JAML: variants seen among roughly 807,000 people sequenced by gnomAD.
JAML encodes the protein junctional adhesion molecule-like.
In JAML, 25 loss-of-function variants were observed where a neutral mutation model predicts 39.3. The observed-to-expected ratio is 0.64, with a 90% CI of 0.46 to 0.89. The LOEUF (loss-of-function observed/expected upper bound fraction) is 0.89. Ranked by LOEUF, JAML falls within the 40% of genes least tolerant of loss-of-function variation. The pLI, the probability that JAML is intolerant of heterozygous loss-of-function variation, is 0.00. For missense variants in JAML, 440 were observed against 486.9 expected (o/e 0.90, Z 0.91); for synonymous variants, 162 against 179.2 (o/e 0.90, Z 0.77).
chr11:118,199,757 C>T (rs1270944772), intron 7 of JAML, among the ~76,000 whole-genome samples: 1 of 143,510 alleles, frequency 7.0e-6, no homozygotes, highest in Non-Finnish European at 1.5e-5. Context: ...AGTGCAGTGG[C>T]GTGATCTCGG....
At chr11:118,217,073 C>A (rs1176413043) in intron 1 of JAML, among the ~76,000 whole-genome samples, 1 of 152,156 alleles carries the variant, frequency 6.6e-6, no homozygotes, top group East Asian at 1.9e-4. Context: ...GCTCACCAAC[C>A]GCATGGAGGA....
intron 5 of JAML, 196 bp from the exon 6 acceptor site, chr11:118,203,861 A>G (rs576568058): frequency 5.3e-6 from 3 of 566,084 alleles, no homozygotes; most frequent in African/African-American, 1.9e-5. Flanking sequence ...GAAGGACATC[A>G]CAAAACCATG....
chr11:118,218,703 A>G (rs572082610), intron 1 of JAML, among the ~76,000 whole-genome samples: 4 of 152,372 alleles, frequency 2.6e-5, no homozygotes, highest in African/African-American at 4.8e-5. Context: ...ATTCCTATCT[A>G]TATATTCACC....
chr11:118,218,926 G>A (rs967415410), intron 1 of JAML, among the ~76,000 whole-genome samples: 1 of 152,150 alleles, frequency 6.6e-6, no homozygotes, highest in Admixed American at 6.5e-5. Context: ...TATCTCCTCA[G>A]CAGATGTTTG....
chr11:118,202,118 G>A (rs1948813175), intron 6 of JAML: 1 of 152,296 alleles, frequency 6.6e-6, no homozygotes. Flanking sequence ...GCAGTGCACT[G>A]AGGAGTTAAT....
rs185232239 is a variant in JAML at position 118,216,317 on chromosome 11, C to T, written c.-20-1431G>A. 2.9e-3 allele frequency among the ~76,000 whole-genome samples: 432 copies of T among 150,920 alleles called. 3 individuals carry two copies. The highest frequency in any genetic ancestry group is 9.9e-3 in the African/African-American group (405 of 41,024). On this transcript the variant is annotated intron_variant, in intron 1 of 9. Coordinates refer to ENST00000356289, the MANE Select transcript of JAML (RefSeq NM_001098526.2). ...CTGGTAGGCGGAGCTTGCAGTGAGC[C>T]GAGATCACGCCACTGCACTCCAGCC...
intron 1 of JAML, among the ~76,000 whole-genome samples, chr11:118,218,958 T>A (rs1331580261): frequency 6.6e-6 from 1 of 152,224 alleles, no homozygotes; most frequent in Admixed American, 6.5e-5. Context: ...CCATAGTAAG[T>A]TATCTCATCT....
chr11:118,210,736 G>GACAA (rs2134666924), intron 3 of JAML, 24 bp from the exon 4 acceptor site: 2 of 1,600,682 alleles, frequency 1.2e-6, no homozygotes, highest in South Asian at 2.2e-5. Flanking sequence ...CAGTGTTGGA[G>GACAA]ACAATCAAAA....
intron 1 of JAML, among the ~76,000 whole-genome samples, chr11:118,221,197 G>A (rs1024641064): frequency 2.0e-4 from 30 of 152,212 alleles, no homozygotes; most frequent in Non-Finnish European, 3.4e-4. Context: ...AGAAGCATGC[G>A]TAATAATTAC....
chr11:118,197,349 C>T (rs1016310736), intron 8 of JAML: 4 of 152,116 alleles, frequency 2.6e-5, no homozygotes, highest in Admixed American at 6.6e-5. Flanking sequence ...AAAAACAGCC[C>T]AAAATAGAGA....
chr11:118,214,437 T>C (rs1262417711), intron 2 of JAML, among the ~76,000 whole-genome samples: 1 of 152,186 alleles, frequency 6.6e-6, no homozygotes, highest in Non-Finnish European at 1.5e-5. Context: ...AAGGCTGACA[T>C]GGCCACAGTA....
At position 118,215,606 on chromosome 11, in the gene JAML, C is replaced by CA. The variant is rs1373655660; in HGVS notation, c.-20-721dup. On this transcript the variant is annotated intron_variant, in intron 1 of 9. Coordinates refer to ENST00000356289, the MANE Select transcript of JAML (RefSeq NM_001098526.2). Reference sequence around the variant, plus strand: ...CCAGTGATCCTCCACCTCAGCCTCTCAAAGTGTTGGGATTACAGGCGTGGG... The same window carrying CA: ...CCAGTGATCCTCCACCTCAGCCTCTCAAAAGTGTTGGGATTACAGGCGTGGG... Among the ~76,000 whole-genome samples, 8 of 152,132 alleles carry CA rather than the reference C, an allele frequency of 5.3e-5. No individual in the cohort carries two copies. The East Asian group carries it at 1.5e-3, about 29-fold the overall frequency.
At chr11:118,195,103 G>T (rs1205217069) in intron 9 of JAML, among the ~76,000 whole-genome samples, 5 of 152,152 alleles carry the variant, frequency 3.3e-5, no homozygotes, top group Admixed American at 6.5e-5. Context: ...CCTCGGAGAC[G>T]TTCTGCAAAC....
chr11:118,200,712 C>A, intron 6 of JAML, 100 bp from the exon 7 acceptor site: 4 of 1,421,698 alleles, frequency 2.8e-6, no homozygotes, highest in South Asian at 1.2e-5. Context: ...GGCCACGAAG[C>A]GGAGGGGAAG....
chr11:118,199,535 A>G (rs922060826), intron 7 of JAML, among the ~76,000 whole-genome samples: 9 of 152,038 alleles, frequency 5.9e-5, no homozygotes, highest in Non-Finnish European at 8.8e-5. Flanking sequence ...TCTGCACTAC[A>G]AGCATACTCC....
chr11:118,224,441 T>TA (rs1949240382), intron 1 of JAML, among the ~76,000 whole-genome samples: 1 of 152,226 alleles, frequency 6.6e-6, no homozygotes, highest in African/African-American at 2.4e-5. Context: ...TATAACTATG[T>TA]AAAATGATGG....
rs757742677 is a variant in JAML at position 118,210,595 on chromosome 11, C to T, written c.316G>A (p.Val106Met). The T allele has an allele frequency of 6.2e-7, 1 of 1,614,228 alleles. No homozygotes were observed. The highest frequency in any genetic ancestry group is 1.3e-5 in the African/African-American group (1 of 75,060). The change falls in exon 4 of 10, where the codon GTG becomes ATG. Residue 106 changes from valine (V) to methionine (M), a missense_variant. Coordinates refer to ENST00000356289, the MANE Select transcript of JAML (RefSeq NM_001098526.2). ...TAGGTTCCCTGGTCAGCCTCTTGCA[C>T]ATCTTGGAGCAGGAGAGAGCCATCA... is the stretch of plus-strand genomic sequence containing the variant. ...CNDGSLLLQD[V>M]QEADQGTYIC... is the part of the protein sequence containing the mutation.
At chr11:118,196,917 AC>A in intron 8 of JAML, 96 bp from the exon 9 acceptor site, 1 of 947,046 alleles carries the variant, frequency 1.1e-6, no homozygotes. Context: ...GGCATCGACC[AC>A]CCAAACTGCT....
intron 1 of JAML, among the ~76,000 whole-genome samples, chr11:118,219,182 T>A (rs765028622): frequency 6.6e-6 from 1 of 152,122 alleles, no homozygotes; most frequent in Non-Finnish European, 1.5e-5. Context: ...AAATGTTCAA[T>A]ATCAGTAATC....
Sources: gnomAD v4.1 joint callset for allele counts (sites outside exome capture counted in the v4.1 genomes callset) on GRCh38, gnomAD v4.1.1 for gene constraint, MANE v1.5 for transcripts, NCBI Gene and HGNC (gene_info 2026-07-23, HGNC 2026-07-21) for gene names.